The following LINC02747 variants were observed in gnomAD, a reference collection of about 807,000 sequenced individuals.
LINC02747 encodes long independently transcribed non-coding RNA 2747.
At chr11:69,479,276 AAG>A (rs1322668958) in intron 1 of LINC02747, among the ~76,000 whole-genome samples, 6 of 147,274 alleles carry the variant, frequency 4.1e-5, no homozygotes, top group Admixed American at 6.8e-5. Context: ...AAAAAAAAAA[AAG>A]AGAGAGAGAG....
intron 1 of LINC02747, among the ~76,000 whole-genome samples, chr11:69,480,164 G>C (rs1857035680): frequency 6.6e-6 from 1 of 152,178 alleles, no homozygotes; most frequent in Admixed American, 6.5e-5. Flanking sequence ...GGCGTTCCCT[G>C]GCTGCCTTGG....
At chr11:69,475,743 G>A (rs1245010597) in exon 2 of LINC02747, 1 of 152,200 alleles carries the variant, frequency 6.6e-6, no homozygotes, top group Non-Finnish European at 1.5e-5. Context: ...CAGAGACAGA[G>A]CCGGTTCTCT....
At chr11:69,478,666 T>C (rs1857017992) in intron 1 of LINC02747, among the ~76,000 whole-genome samples, 1 of 151,354 alleles carries the variant, frequency 6.6e-6, no homozygotes, top group Non-Finnish European at 1.5e-5. Flanking sequence ...TCAACATGTT[T>C]CTACCAAAAA....
chr11:69,478,528 A>G (rs1449859448), intron 1 of LINC02747, among the ~76,000 whole-genome samples: 3 of 152,196 alleles, frequency 2.0e-5, no homozygotes, highest in Non-Finnish European at 4.4e-5. Context: ...TTAATATTTC[A>G]CAAAGGAATA....
At chr11:69,478,688 A>T (rs1857018195) in intron 1 of LINC02747, among the ~76,000 whole-genome samples, 1 of 151,976 alleles carries the variant, frequency 6.6e-6, no homozygotes, top group African/African-American at 2.4e-5. Context: ...CACAAAAATT[A>T]GCCTGGTGTG....
intron 1 of LINC02747, among the ~76,000 whole-genome samples, chr11:69,477,840 C>A (rs1488832140): frequency 6.6e-6 from 1 of 152,124 alleles, no homozygotes; most frequent in Non-Finnish European, 1.5e-5. Context: ...AGGGCAGCTA[C>A]GAGATTCGTG....
At chr11:69,477,840 C>T (rs1488832140) in intron 1 of LINC02747, among the ~76,000 whole-genome samples, 1 of 152,124 alleles carries the variant, frequency 6.6e-6, no homozygotes, top group South Asian at 2.1e-4. Flanking sequence ...AGGGCAGCTA[C>T]GAGATTCGTG....
exon 2 of LINC02747, chr11:69,476,112 CG>C (rs34331694): frequency 0.066 from 10,013 of 152,202 alleles, 1,005 homozygotes; most frequent in African/African-American, 0.21. Flanking sequence ...ACATGGGGAT[CG>C]GGGCCTGGGA....
intron 1 of LINC02747, among the ~76,000 whole-genome samples, chr11:69,480,743 G>A (rs533162504): frequency 5.3e-5 from 8 of 152,328 alleles, no homozygotes; most frequent in South Asian, 2.1e-4. Context: ...GGCACTGGGC[G>A]GGATCAGTAG....
chr11:69,476,713 C>A (rs1856998913), exon 2 of LINC02747: 1 of 152,298 alleles, frequency 6.6e-6, no homozygotes, highest in African/African-American at 2.4e-5. Flanking sequence ...CCAAATTAGG[C>A]CAGAGCCCCC....
exon 2 of LINC02747, chr11:69,475,745 C>G (rs578075910): frequency 6.6e-6 from 1 of 152,166 alleles, no homozygotes; most frequent in Non-Finnish European, 1.5e-5. Context: ...GAGACAGAGC[C>G]GGTTCTCTGG....
chr11:69,477,075 C>G (rs888590562), exon 2 of LINC02747: 4 of 152,234 alleles, frequency 2.6e-5, no homozygotes, highest in Admixed American at 2.6e-4. Context: ...GAGGGTCTTG[C>G]TGTCTGCAAA....
chr11:69,476,848 G>T (rs550857539), exon 2 of LINC02747: 13 of 152,474 alleles, frequency 8.5e-5, no homozygotes, highest in African/African-American at 3.1e-4. Context: ...GAAGCACATA[G>T]CGGGTGAGGG....
intron 1 of LINC02747, among the ~76,000 whole-genome samples, chr11:69,480,409 G>A (rs1306504186): frequency 6.6e-6 from 1 of 152,304 alleles, no homozygotes; most frequent in East Asian, 1.9e-4. Flanking sequence ...CGGGCACCCA[G>A]AACCCTGACC....
At chr11:69,478,366 T>A (rs1174085264) in intron 1 of LINC02747, among the ~76,000 whole-genome samples, 3 of 151,838 alleles carry the variant, frequency 2.0e-5, no homozygotes, top group Non-Finnish European at 4.4e-5. Flanking sequence ...GGGGAGGACT[T>A]GCACCCCCGC....
intron 1 of LINC02747, chr11:69,479,805 G>A (rs958111474): frequency 6.6e-6 from 1 of 152,414 alleles, no homozygotes; most frequent in Non-Finnish European, 1.5e-5. Flanking sequence ...CCTAGCCTGG[G>A]GGGCCTGCTC....
exon 2 of LINC02747, chr11:69,477,029 C>T (rs748859945): frequency 2.2e-4 from 33 of 152,248 alleles, no homozygotes; most frequent in Non-Finnish European, 4.1e-4. Flanking sequence ...CCTCTGAGTA[C>T]CTGCTGGGAC....
At chr11:69,480,926 C>A (rs1002675495) in intron 1 of LINC02747, among the ~76,000 whole-genome samples, 1 of 152,162 alleles carries the variant, frequency 6.6e-6, no homozygotes, top group South Asian at 2.1e-4. Context: ...TCCCAAGGAA[C>A]CCTTGGATCA....
rs547500597 is a variant in LINC02747 at position 69,478,442 on chromosome 11, G to A, written n.121-829C>T. ...GGGACCTGCCTCCTGCACCCTGACCGCCTGCTCCTGTCTTTCCTCACTCAC... is the reference window on the plus strand; with the variant it reads ...GGGACCTGCCTCCTGCACCCTGACCACCTGCTCCTGTCTTTCCTCACTCAC... On this transcript the variant is annotated intron_variant and non_coding_transcript_variant, in intron 1 of 1. Coordinates refer to ENST00000645449, the Ensembl canonical transcript of LINC02747. Among the ~76,000 whole-genome samples the A allele has an allele frequency of 8.5e-5, 13 of 152,284 alleles. No homozygotes were observed. In the East Asian group the frequency reaches 9.7e-4, roughly 11 times the overall value.
Sources: allele counts gnomAD v4.1 joint callset (sites outside exome capture counted in the v4.1 genomes callset), GRCh38; gene constraint gnomAD v4.1.1; transcripts MANE v1.5; gene names NCBI Gene and HGNC (gene_info 2026-07-23, HGNC 2026-07-21).